The following TRIM37 variants were observed in gnomAD, a reference collection of about 807,000 sequenced individuals.
TRIM37 encodes the protein E3 ubiquitin-protein ligase TRIM37.
A neutral mutation model predicts 129.8 loss-of-function variants in TRIM37; 80 were observed. The observed-to-expected ratio is 0.62, with a 90% CI of 0.51 to 0.74. The LOEUF is 0.74. Ranked by LOEUF, TRIM37 falls within the 30% of genes least tolerant of loss-of-function variation. The probability of loss-of-function intolerance (pLI) is 0.00; values close to 1 mark genes in which losing one functional copy is unlikely to be tolerated. For synonymous variants in TRIM37, 389 were observed against 387.1 expected (o/e 1.00, Z -0.06); for missense variants, 1,054 against 1,176.5 (o/e 0.90, Z 1.52).
chr17:59,075,602 G>C (rs1338806747), intron 8 of TRIM37, 45 bp downstream of exon 8: 5 of 1,149,232 alleles, frequency 4.4e-6, no homozygotes, highest in Non-Finnish European at 5.2e-6. Context: ...AGTATACAGA[G>C]AAAAAAGGAT....
At chr17:58,976,259 C>T in the TRIM37 span, among the ~76,000 whole-genome samples, 1 of 152,060 alleles carries the variant, frequency 6.6e-6, no homozygotes, top group Non-Finnish European at 1.5e-5. Flanking sequence ...AAAATGGTAG[C>T]TGATATGGGA....
intron 22 of TRIM37, among the ~76,000 whole-genome samples, chr17:59,011,707 A>G (rs1480440810): frequency 6.6e-6 from 1 of 152,230 alleles, no homozygotes; most frequent in Non-Finnish European, 1.5e-5. Context: ...GAACATGCAA[A>G]AGAAACACTA....
chr17:59,106,672 CG>C lies in TRIM37; in HGVS notation c.-212del. On this transcript the variant is annotated 5_prime_UTR_variant, in exon 1 of 24. Coordinates refer to ENST00000262294, the MANE Select transcript of TRIM37 (RefSeq NM_015294.6). Reference sequence around the variant, plus strand: ...GCCATTTTTACCGGCGCGCCCGCCCCGAGGCGCAGAAGTAGGGCGAACGGTG... The same window carrying C: ...GCCATTTTTACCGGCGCGCCCGCCCCAGGCGCAGAAGTAGGGCGAACGGTG... 1.6e-6 allele frequency: 1 copy of C among 628,730 alleles called. No individual in the cohort carries two copies. The highest frequency in any genetic ancestry group is 2.8e-6 in the Non-Finnish European group (1 of 355,454). 38.9% of individuals were successfully genotyped at this position (628,730 alleles called of 1,614,324 possible).
At chr17:59,022,571 T>C (rs1053787039) in intron 19 of TRIM37, among the ~76,000 whole-genome samples, 1 of 152,256 alleles carries the variant, frequency 6.6e-6, no homozygotes. Flanking sequence ...CTTGGTTTCC[T>C]CATCTGTAAA....
At chr17:59,017,165 A>G in intron 20 of TRIM37, 131 bp downstream of exon 20, 1 of 1,251,708 alleles carries the variant, frequency 8.0e-7, no homozygotes, top group Non-Finnish European at 1.2e-6. Flanking sequence ...CCCTGTTTCA[A>G]AAAAAGAAAC....
rs369706031 is a variant in TRIM37, at chr17:59,081,214, G to T, written c.375C>A (p.Gly125=). 153 of 1,613,174 alleles carry T rather than the reference G, an allele frequency of 9.5e-5. No individual in the cohort carries two copies. Among genetic ancestry groups the T allele is most frequent in the Non-Finnish European group, 1.2e-4 (138 of 1,179,560 alleles). The change falls in exon 6 of 24, where the codon GGC becomes GGA. Residue 125 remains glycine, a synonymous_variant. Transcript: ENST00000262294. ...CTGCCAAAGGTTTAAAGGTATGTCC[G>T]CCATGCTATTTAAATTAGAGTAGCT... is the stretch of plus-strand genomic sequence containing the variant. ...HQCALWGGMH[G]GHTFKPLAEI... is the part of the protein sequence containing the mutation.
intron 17 of TRIM37, among the ~76,000 whole-genome samples, chr17:59,033,704 G>A (rs1000829828): frequency 1.3e-5 from 2 of 151,876 alleles, no homozygotes; most frequent in African/African-American, 2.4e-5. Flanking sequence ...GTGAGCCACC[G>A]CACCCAGCTG....
chr17:59,090,223 C>T (rs1277383608), intron 3 of TRIM37: 5 of 151,990 alleles, frequency 3.3e-5, no homozygotes, highest in Non-Finnish European at 7.4e-5. Context: ...ATAAATAAAT[C>T]AAGGTATAGT....
chr17:59,051,362 T>A, intron 13 of TRIM37, 34 bp from the exon 14 acceptor site: 1 of 1,450,342 alleles, frequency 6.9e-7, no homozygotes, highest in Non-Finnish European at 9.7e-7. Context: ...AAAAAAAAAT[T>A]CAAATAGTAA....
intron 16 of TRIM37, among the ~76,000 whole-genome samples, chr17:59,042,446 A>AT (rs1568066098): frequency 2.9e-3 from 129 of 44,672 alleles, no homozygotes; most frequent in East Asian, 0.011. Flanking sequence ...AAAAAAAAAA[A>AT]AAAATATATA....
intron 4 of TRIM37, 96 bp downstream of exon 4, chr17:59,088,195 T>C (rs1476776595): frequency 3.9e-6 from 3 of 767,782 alleles, no homozygotes; most frequent in African/African-American, 3.4e-5. Context: ...ACACTACTTA[T>C]TCATAAATAA....
chr17:58,996,224 C>T (rs2032978196), downstream of TRIM37, among the ~76,000 whole-genome samples: 1 of 152,048 alleles, frequency 6.6e-6, no homozygotes, highest in Non-Finnish European at 1.5e-5. Context: ...TCTAATCCAG[C>T]ACTTTGGGAG....
chr17:58,999,598 C>T, intron 23 of TRIM37, 139 bp from the exon 24 acceptor site: 1 of 740,872 alleles, frequency 1.3e-6, no homozygotes, highest in South Asian at 2.0e-5. Flanking sequence ...GAACAAATCT[C>T]TGTCTTCAGA....
At chr17:59,056,526 G>A (rs1348704236) in intron 13 of TRIM37, among the ~76,000 whole-genome samples, 3 of 151,494 alleles carry the variant, frequency 2.0e-5, no homozygotes, top group Admixed American at 1.3e-4. Flanking sequence ...TCAGGAGATC[G>A]AGACCATCCT....
chr17:59,053,103 A>G (rs563112471), intron 13 of TRIM37, among the ~76,000 whole-genome samples: 1 of 152,348 alleles, frequency 6.6e-6, no homozygotes, highest in East Asian at 1.9e-4. Context: ...GTAAGACATT[A>G]AAGTAAGACC....
At chr17:58,994,813 G>A (rs907727230), downstream of TRIM37, among the ~76,000 whole-genome samples, 2 of 150,926 alleles carry the variant, frequency 1.3e-5, no homozygotes, top group Admixed American at 6.6e-5. Context: ...CAAATGGCAC[G>A]ATCTCGGCTC....
chr17:59,079,046 T>C (rs1176520862), intron 7 of TRIM37, among the ~76,000 whole-genome samples: 1 of 141,538 alleles, frequency 7.1e-6, no homozygotes, highest in Admixed American at 7.0e-5. Flanking sequence ...AGAATCAAGA[T>C]AGCCAAAAAA....
intron 22 of TRIM37, among the ~76,000 whole-genome samples, chr17:59,004,708 G>T (rs1035470179): frequency 2.0e-5 from 3 of 152,124 alleles, no homozygotes; most frequent in African/African-American, 7.2e-5. Flanking sequence ...TTCTTTCCTA[G>T]GTACAAACTA....
At chr17:59,016,114 C>T (rs905124472) in intron 20 of TRIM37, among the ~76,000 whole-genome samples, 1 of 152,016 alleles carries the variant, frequency 6.6e-6, no homozygotes, top group Non-Finnish European at 1.5e-5. Context: ...CAAAAATAGG[C>T]CAGGTGTGGT....
Sources: allele counts gnomAD v4.1 joint callset (sites outside exome capture counted in the v4.1 genomes callset), GRCh38; gene constraint gnomAD v4.1.1; transcripts MANE v1.5; gene names NCBI Gene and HGNC (gene_info 2026-07-23, HGNC 2026-07-21).